The following RPIA variants were observed in gnomAD, a reference collection of about 807,000 sequenced individuals.
RPIA encodes ribose-5-phosphate isomerase.
A neutral mutation model predicts 37.8 loss-of-function variants in RPIA; 29 were observed. The observed-to-expected ratio is 0.77, with a 90% CI of 0.57 to 1.05. The LOEUF is 1.05. Ranked by LOEUF, RPIA falls within the 50% of genes least tolerant of loss-of-function variation. The probability of loss-of-function intolerance (pLI) is 0.00; values close to 1 mark genes in which losing one functional copy is unlikely to be tolerated. For synonymous variants in RPIA, 167 were observed against 157.0 expected (o/e 1.06, Z -0.48); for missense variants, 385 against 413.6 (o/e 0.93, Z 0.60).
At chr2:88,744,792 G>T (rs780103052) in intron 8 of RPIA, among the ~76,000 whole-genome samples, 5 of 152,036 alleles carry the variant, frequency 3.3e-5, no homozygotes, top group Admixed American at 6.5e-5. Flanking sequence ...AGTCTATTTT[G>T]TCTCATAGAA....
intron 3 of RPIA, among the ~76,000 whole-genome samples, chr2:88,707,734 G>A (rs1277034989): frequency 1.8e-4 from 28 of 152,228 alleles, no homozygotes; most frequent in Admixed American, 1.8e-3. Flanking sequence ...CACATAAGCT[G>A]CAGCTAAATG....
chr2:88,744,362 G>A (rs904767530), intron 8 of RPIA, among the ~76,000 whole-genome samples: 5 of 152,178 alleles, frequency 3.3e-5, no homozygotes, highest in Admixed American at 3.3e-4. Flanking sequence ...ACTGTGATCT[G>A]TGAGAGTACT....
At position 88,750,536 on chromosome 2, in the gene RPIA, T is replaced by C. The variant is rs559261105; in HGVS notation, c.*458T>C. On this transcript the variant is annotated 3_prime_UTR_variant, in exon 9 of 9. Transcript: ENST00000283646. ...CTGGAAACTTTGTTTACTTGTCTGC[T>C]ACCCTCTGATTTGTTTTTAGTTAGT... 2 of 417,674 alleles carry C rather than the reference T, an allele frequency of 4.8e-6. No homozygotes were observed. The highest frequency in any genetic ancestry group is 2.0e-5 in the African/African-American group (1 of 48,860). The allele number at this position is 417,674 out of a possible 1,614,324, so 25.9% of individuals were successfully genotyped here. A position where few individuals can be genotyped will look rare whatever the true frequency, so the allele number is the denominator to read the frequency against.
At position 88,699,206 on chromosome 2, in the gene RPIA, G is replaced by C. The variant is rs1672799712; in HGVS notation, c.346+662G>C. ...GAGTGGTTTTAGTGCTGGTGTGATG[G>C]CTTCTGGAAGCCTTCTCACTGGCCA... On this transcript the variant is annotated intron_variant, in intron 2 of 8. Transcript: ENST00000283646. 2.0e-5 allele frequency among the ~76,000 whole-genome samples: 3 copies of C among 152,312 alleles called. No homozygotes were observed. The South Asian group carries it at 6.2e-4, about 32-fold the overall frequency.
intron 3 of RPIA, among the ~76,000 whole-genome samples, chr2:88,718,436 A>G (rs1476648510): frequency 1.3e-5 from 2 of 152,188 alleles, no homozygotes; most frequent in Non-Finnish European, 2.9e-5. Context: ...AGCCGAGCCC[A>G]GCCATTATGG....
intron 3 of RPIA, among the ~76,000 whole-genome samples, chr2:88,715,462 A>G (rs115669009): frequency 0.014 from 2,091 of 152,354 alleles, 46 homozygotes; most frequent in African/African-American, 0.048. Context: ...TTAAAAGCCC[A>G]TGACTCTAAT....
In RPIA at chr2:88,736,553, C is replaced by T. The variant is rs1440733627; in HGVS notation, c.615C>T (p.Leu205=). ...IADFRKDSKN[L]GDQWHKGIPI... is the part of the protein sequence containing the mutation. ...TTTCCAGGAAAGATTCGAAGAATCT[C>T]GGGGATCAGTGGCACAAGGGAATCC... The change falls in exon 7 of 9, where the codon CTC becomes CTT. Residue 205 remains leucine, a synonymous_variant. Transcript: ENST00000283646. 1.8e-5 allele frequency: 29 copies of T among 1,614,106 alleles called. No homozygotes were observed. Among genetic ancestry groups the T allele is most frequent in the East Asian group, 8.9e-5 (4 of 44,866 alleles).
At position 88,736,698 on chromosome 2, in the gene RPIA, G is replaced by A. The variant is rs774745911; in HGVS notation, c.738+22G>A. The A allele has an allele frequency of 1.4e-5, 22 of 1,602,548 alleles. No homozygotes were observed. The South Asian group carries it at 2.1e-4, about 15-fold the overall frequency. On this transcript the variant is annotated intron_variant, in intron 7 of 8. Coordinates refer to ENST00000283646, the MANE Select transcript of RPIA (RefSeq NM_144563.3). ...GGCTGTGAGTGGCCTGGTTGGGCCG[G>A]GGGTGTGCTGGGTGCACTCAGGTTT... is the stretch of plus-strand genomic sequence containing the variant.
intron 5 of RPIA, among the ~76,000 whole-genome samples, 172 bp from the exon 6 acceptor site, chr2:88,735,497 G>A (rs887371646): frequency 6.6e-6 from 1 of 152,208 alleles, no homozygotes; most frequent in Non-Finnish European, 1.5e-5. Context: ...TGTTTCTAGA[G>A]TCCATTTACT....
intron 8 of RPIA, among the ~76,000 whole-genome samples, chr2:88,740,319 G>T (rs958271415): frequency 1.3e-5 from 2 of 152,182 alleles, no homozygotes; most frequent in African/African-American, 2.4e-5. Context: ...TCCTAAAGAC[G>T]TTCAGAGTTT....
chr2:88,747,451 C>A (rs1019833765), intron 8 of RPIA, among the ~76,000 whole-genome samples: 2 of 152,192 alleles, frequency 1.3e-5, no homozygotes, highest in African/African-American at 4.8e-5. Context: ...TCCCATTTGT[C>A]CCCCACCGGA....
At chr2:88,746,213 AC>A (rs749433711) in intron 8 of RPIA, among the ~76,000 whole-genome samples, 32 of 151,564 alleles carry the variant, frequency 2.1e-4, no homozygotes, top group Middle Eastern at 3.4e-3. Flanking sequence ...TTTCTCTGGT[AC>A]CTCCTTGAGT....
In RPIA at chr2:88,736,621, C is replaced by T; in HGVS notation, c.683C>T (p.Ala228Val). The stretch of plus-strand genomic sequence containing the variant: ...ATGGCCTATGTCCCAGTGAGCCGAG[C>T]TGTGAGCCAGAAGTTTGGGGGCGTG... ...IPMAYVPVSR[A>V]VSQKFGGVVE... Residue 228 changes from alanine (A) to valine (V), a missense_variant, in exon 7 of 9, where the codon GCT becomes GTT. Physicochemically the swap from Ala to Val is moderately conservative, Grantham distance 64. Around this residue, in one of 2 missense-constraint regions of RPIA, gnomAD observed 153 missense variants for 210.6 expected, o/e 0.73. Transcript: ENST00000283646. 1 of 1,614,096 alleles carries T rather than the reference C, an allele frequency of 6.2e-7. No homozygotes were observed. The highest frequency in any genetic ancestry group is 8.5e-7 in the Non-Finnish European group (1 of 1,179,976).
chr2:88,698,004 T>TC (rs1283275717), intron 1 of RPIA, among the ~76,000 whole-genome samples: 2 of 152,108 alleles, frequency 1.3e-5, no homozygotes, highest in African/African-American at 4.8e-5. Context: ...TATTGTTTTT[T>TC]CTTAGGTGTT....
chr2:88,723,881 G>A (rs1673164317), intron 3 of RPIA, among the ~76,000 whole-genome samples: 6 of 151,914 alleles, frequency 3.9e-5, no homozygotes, highest in Admixed American at 3.9e-4. Context: ...TGGAAAGGTG[G>A]GACAACTCAA....
intron 8 of RPIA, among the ~76,000 whole-genome samples, chr2:88,741,885 C>T (rs1403707990): frequency 1.3e-5 from 2 of 152,194 alleles, no homozygotes; most frequent in East Asian, 3.9e-4. Flanking sequence ...CTATTCATGT[C>T]CTTGGCCCAC....
chr2:88,740,341 T>TA (rs898815783), intron 8 of RPIA, among the ~76,000 whole-genome samples: 8 of 152,216 alleles, frequency 5.3e-5, no homozygotes, highest in Admixed American at 2.6e-4. Flanking sequence ...GTTAGGAACT[T>TA]AAAGTGAGGA....
At position 88,738,011 on chromosome 2, in the gene RPIA, T is replaced by C; in HGVS notation, c.773T>C (p.Leu258Ser). 3 of 1,614,038 alleles carry C rather than the reference T, an allele frequency of 1.9e-6. No individual in the cohort carries two copies. The highest frequency in any genetic ancestry group is 2.5e-6 in the Non-Finnish European group (3 of 1,179,910). Reference sequence around the variant, plus strand: ...GTGACAGATAATGGGAATTTTATCTTGGACTGGAAGTTTGACCGGGTACAC... The same window carrying C: ...GTGACAGATAATGGGAATTTTATCTCGGACTGGAAGTTTGACCGGGTACAC... ...PVVTDNGNFILDWKFDRVHKW... is the reference protein window; with the variant it reads ...PVVTDNGNFISDWKFDRVHKW... The change falls in exon 8 of 9, where the codon TTG (leucine) becomes TCG (serine). Residue 258 changes from leucine (L) to serine (S), a missense_variant. Transcript: ENST00000283646.
At chr2:88,709,814 C>T (rs1025912183) in intron 3 of RPIA, among the ~76,000 whole-genome samples, 9 of 152,166 alleles carry the variant, frequency 5.9e-5, no homozygotes, top group South Asian at 4.1e-4. Flanking sequence ...TTGGCTGCTG[C>T]GTCAACAAAA....
Sources: allele counts gnomAD v4.1 joint callset (sites outside exome capture counted in the v4.1 genomes callset), GRCh38; gene constraint gnomAD v4.1.1; regional missense constraint gnomAD v4.1.1; transcripts MANE v1.5; gene names NCBI Gene and HGNC (gene_info 2026-07-23, HGNC 2026-07-21).